KCNQ1: variants seen among roughly 807,000 people sequenced by gnomAD.
KCNQ1 encodes the protein potassium voltage-gated channel subfamily KQT member 1.
A neutral mutation model predicts 72.4 loss-of-function variants in KCNQ1; 49 were observed. That is an observed-to-expected ratio of 0.68 (90% confidence interval 0.54 to 0.86). The LOEUF (loss-of-function observed/expected upper bound fraction) is 0.86. Among genes scored for constraint, KCNQ1 ranks in the 40% least tolerant of loss-of-function variants. The probability of loss-of-function intolerance (pLI) is 0.00; values close to 1 mark genes in which losing one functional copy is unlikely to be tolerated. For missense variants in KCNQ1, 790 were observed against 945.1 expected, an observed-to-expected ratio of 0.84 and a Z score of 2.15; for synonymous variants, 450 against 412.6, an observed-to-expected ratio of 1.09 and a Z score of -1.10.
At chr11:2,510,034 C>A (rs1389989733) in intron 1 of KCNQ1, among the ~76,000 whole-genome samples, 1 of 152,026 alleles carries the variant, frequency 6.6e-6, no homozygotes, top group African/African-American at 2.4e-5. Flanking sequence ...CACTGGGAGG[C>A]CAAAGTGGGA....
chr11:2,605,124 C>T (rs1028969804), intron 10 of KCNQ1, among the ~76,000 whole-genome samples: 2 of 152,084 alleles, frequency 1.3e-5, no homozygotes, highest in African/African-American at 4.8e-5. Flanking sequence ...TTCATCCATT[C>T]TTTAAGTTGG....
In KCNQ1 at chr11:2,572,119, C is replaced by T. The variant is rs756575131; in HGVS notation, c.780+10C>T. 3 of 1,606,314 alleles carry T rather than the reference C, an allele frequency of 1.9e-6. No individual in the cohort carries two copies. Among genetic ancestry groups the T allele is most frequent in the East Asian group, 4.5e-5 (2 of 44,818 alleles). ...CTTCATCCACCGCCAGGTGGGTGGC[C>T]CGGGTTAGGGGTGCGGGGCCCAGGT... On this transcript the variant is annotated intron_variant, in intron 5 of 15. Transcript: ENST00000155840.
At position 2,695,328 on chromosome 11, in the gene KCNQ1, T is replaced by TTGTG. The variant is rs61588088; in HGVS notation, c.1514+33260_1514+33263dup. On this transcript the variant is annotated intron_variant, in intron 11 of 15. Transcript: ENST00000155840. The surrounding 1 kb of genome is among the most constrained non-coding windows in gnomAD (Gnocchi z 5.2). ...TCTCCAGGGTAATTTATTTATATCA[T>TTGTG]TGTGTGTGTGTGTGTGCACTCACGA... 20,166 of 393,924 alleles carry TTGTG rather than the reference T, an allele frequency of 0.051. 260 individuals carry two copies. Among genetic ancestry groups the TTGTG allele is most frequent in the Admixed American group, 0.072 (1,629 of 22,530 alleles). The allele number at this position is 393,924 out of a possible 1,614,324, so 24.4% of individuals were successfully genotyped here. A position where few individuals can be genotyped will look rare whatever the true frequency, so the allele number is the denominator to read the frequency against.
chr11:2,786,903 T>G (rs2134002785), intron 15 of KCNQ1, among the ~76,000 whole-genome samples: 1 of 152,120 alleles, frequency 6.6e-6, no homozygotes, highest in South Asian at 2.1e-4. Context: ...CCCTGTTTGA[T>G]TTTTTCTTCT....
Position 2,572,020 on chromosome 11 carries a change from C to T in KCNQ1, c.691C>T (p.Arg231Cys), listed in dbSNP as rs199473457. Residue 231 changes from arginine to cysteine, a missense_variant, in exon 5 of 16, where the codon CGC becomes TGC. Physicochemically the swap from Arg to Cys is radical, Grantham distance 180. This residue lies in a region of KCNQ1 where 133 missense variants were observed against 219.5 expected (regional missense o/e 0.61). Coordinates refer to ENST00000155840, the MANE Select transcript of KCNQ1 (RefSeq NM_000218.3). ...VFATSAIRGIRFLQILRMLHV... is the reference protein window; with the variant it reads ...VFATSAIRGICFLQILRMLHV... Reference sequence around the variant, plus strand: ...ACACCATCTCCTTCGCAGGGGCATCCGCTTCCTGCAGATCCTGAGGATGCT... The same window carrying T: ...ACACCATCTCCTTCGCAGGGGCATCTGCTTCCTGCAGATCCTGAGGATGCT... The T allele has an allele frequency of 6.2e-7, 1 of 1,612,410 alleles. No homozygotes were observed. Among genetic ancestry groups the T allele is most frequent in the Non-Finnish European group, 8.5e-7 (1 of 1,179,638 alleles).
At position 2,724,122 on chromosome 11, in the gene KCNQ1, G is replaced by C. The variant is rs938280215; in HGVS notation, c.1515-44722G>C. On this transcript the variant is annotated intron_variant, in intron 11 of 15. Transcript: ENST00000155840. The surrounding 1 kb of genome is among the most constrained non-coding windows in gnomAD (Gnocchi z 6.8). ...TGATAGAGAATCACATCTGGACCAG[G>C]ACGTTCTGGTAAGATCGCCAGGGGG... Among the ~76,000 whole-genome samples the C allele has an allele frequency of 1.3e-5, 2 of 152,114 alleles. No individual in the cohort carries two copies. Among genetic ancestry groups the C allele is most frequent in the African/African-American group, 4.8e-5 (2 of 41,406 alleles).
intron 11 of KCNQ1, among the ~76,000 whole-genome samples, chr11:2,721,992 C>T (rs372647822): frequency 1.3e-5 from 2 of 152,230 alleles, no homozygotes; most frequent in East Asian, 1.9e-4. Flanking sequence ...CTACGCACAC[C>T]CCCTGCCCCT....
At chr11:2,472,764 G>A (rs1846507419) in intron 1 of KCNQ1, among the ~76,000 whole-genome samples, 1 of 152,110 alleles carries the variant, frequency 6.6e-6, no homozygotes, top group Non-Finnish European at 1.5e-5. Context: ...GGGGTACCCA[G>A]TAGAGCTGCC....
intron 11 of KCNQ1, among the ~76,000 whole-genome samples, chr11:2,731,432 G>A (rs1845857160): frequency 6.6e-6 from 1 of 152,220 alleles, no homozygotes. Context: ...GGGAAAGGGA[G>A]CCAGCACTGC....
intron 15 of KCNQ1, among the ~76,000 whole-genome samples, chr11:2,831,989 C>T (rs1174457513): frequency 6.6e-6 from 1 of 152,094 alleles, no homozygotes; most frequent in African/African-American, 2.4e-5. Context: ...AGCCTCTGCT[C>T]CAGGGGGGTG....
intron 2 of KCNQ1, among the ~76,000 whole-genome samples, chr11:2,529,836 G>C (rs1847585562): frequency 6.6e-6 from 1 of 151,760 alleles, no homozygotes; most frequent in Admixed American, 6.5e-5. Flanking sequence ...GGGCGGGCCG[G>C]CTGCCAGGCG....
chr11:2,665,874 G>C, intron 11 of KCNQ1: 1 of 398,798 alleles, frequency 2.5e-6, no homozygotes. Flanking sequence ...TCTGAACTTG[G>C]GGGCTGTGTG....
At chr11:2,733,814 A>ACACACACTCACACACTCTCT in intron 11 of KCNQ1, among the ~76,000 whole-genome samples, 3 of 86,660 alleles carry the variant, frequency 3.5e-5, no homozygotes, top group African/African-American at 1.3e-4. Flanking sequence ...ACACACACAC[A>ACACACACTCACACACTCTCT]CTCTCTCACT....
Position 2,713,713 on chromosome 11 carries a change from C to T in KCNQ1, c.1514+51632C>T, listed in dbSNP as rs114929041. 0.012 allele frequency among the ~76,000 whole-genome samples: 1,817 copies of T among 152,236 alleles called. 35 individuals carry two copies. Among genetic ancestry groups the T allele is most frequent in the African/African-American group, 0.041 (1,703 of 41,528 alleles). ...CTGGGTTGCAGGAGAAGCCAAGTGCCGGGTGAAGGCCTGGGGAGGAATCTG... is the reference window on the plus strand; with the variant it reads ...CTGGGTTGCAGGAGAAGCCAAGTGCTGGGTGAAGGCCTGGGGAGGAATCTG... On this transcript the variant is annotated intron_variant, in intron 11 of 15. Transcript: ENST00000155840. The surrounding 1 kb of genome is among the most constrained non-coding windows in gnomAD (Gnocchi z 5.6).
chr11:2,528,027 C>T lies in KCNQ1; in HGVS notation c.477+9C>T, dbSNP rs28730664. ...GGACTCTCTTCTGGATGGTACGTAG[C>T]ATCTGAGGGCATGGCTGGATGTCAT... is the stretch of plus-strand genomic sequence containing the variant. On this transcript the variant is annotated intron_variant, in intron 2 of 15. Coordinates refer to ENST00000155840, the MANE Select transcript of KCNQ1 (RefSeq NM_000218.3). 3.1e-3 allele frequency: 5,041 copies of T among 1,602,918 alleles called. 78 individuals are homozygous for T. The African/African-American group carries it at 0.035, about 11-fold the overall frequency.
intron 15 of KCNQ1, among the ~76,000 whole-genome samples, chr11:2,786,766 T>C (rs548446775): frequency 6.6e-6 from 1 of 152,178 alleles, no homozygotes; most frequent in East Asian, 1.9e-4. Context: ...TGATAAGTCA[T>C]TTTAATCGTA....
At chr11:2,760,375 A>G (rs1846372656) in intron 11 of KCNQ1, among the ~76,000 whole-genome samples, 1 of 152,202 alleles carries the variant, frequency 6.6e-6, no homozygotes, top group South Asian at 2.1e-4. Context: ...TCATTCATCT[A>G]CAAATTATTA....
intron 1 of KCNQ1, among the ~76,000 whole-genome samples, chr11:2,511,910 C>A (rs1307900381): frequency 6.6e-6 from 1 of 152,202 alleles, no homozygotes; most frequent in African/African-American, 2.4e-5. Context: ...CCGCGGTTTT[C>A]CCTGGTGGAG....
Position 2,498,836 on chromosome 11 carries a change from G to A in KCNQ1, c.387-29092G>A, listed in dbSNP as rs1846962094. ...GTATAGGCACATGAAGGAGTCTCCTGATCTGCAGATTGCAAAACCCATGGG... is the reference window on the plus strand; with the variant it reads ...GTATAGGCACATGAAGGAGTCTCCTAATCTGCAGATTGCAAAACCCATGGG... On this transcript the variant is annotated intron_variant, in intron 1 of 15. Transcript: ENST00000155840. The surrounding 1 kb of genome is among the most constrained non-coding windows in gnomAD (Gnocchi z 4.8). Among the ~76,000 whole-genome samples the A allele has an allele frequency of 6.6e-6, 1 of 152,238 alleles. No individual in the cohort carries two copies. The highest frequency in any genetic ancestry group is 1.5e-5 in the Non-Finnish European group (1 of 68,040).
Sources: allele counts gnomAD v4.1 joint callset (sites outside exome capture counted in the v4.1 genomes callset), GRCh38; gene constraint gnomAD v4.1.1; regional missense constraint gnomAD v4.1.1; non-coding constraint Gnocchi (gnomAD v3.1); transcripts MANE v1.5; gene names NCBI Gene and HGNC (gene_info 2026-07-23, HGNC 2026-07-21).